Variants in ELL2 observed in about 807,000 individuals in gnomAD.
The protein encoded by ELL2 is RNA polymerase II elongation factor ELL2.
In ELL2, 21 loss-of-function variants were observed where a neutral mutation model predicts 72.8. That is an observed-to-expected ratio of 0.29 (90% CI 0.20 to 0.42). ELL2 has a LOEUF of 0.42. Among genes scored for constraint, ELL2 ranks in the 10% least tolerant of loss-of-function variants. The pLI, the probability that ELL2 is intolerant of heterozygous loss-of-function variation, is 1.00. For synonymous variants in ELL2, 266 were observed against 283.2 expected, an observed-to-expected ratio of 0.94 and a Z score of 0.61; for missense variants, 568 against 772.8, an observed-to-expected ratio of 0.73 and a Z score of 3.14.
chr5:95,943,063 CAAAA>C lies in ELL2; in HGVS notation c.148-18_148-15del. On this transcript the variant is annotated splice_polypyrimidine_tract_variant and intron_variant, in intron 1 of 11. Transcript: ENST00000237853. ...AGGAATTAAATTCTATTAAAAGAAA[CAAAA>C]GAAACAAACAGGTAAACCTTGGTTA... The C allele has an allele frequency of 6.3e-7, 1 of 1,594,668 alleles. No individual in the cohort carries two copies. Among genetic ancestry groups the C allele is most frequent in the Non-Finnish European group, 8.5e-7 (1 of 1,169,878 alleles).
intron 4 of ELL2, among the ~76,000 whole-genome samples, chr5:95,910,019 A>C (rs1269505605): frequency 6.6e-6 from 1 of 152,174 alleles, no homozygotes; most frequent in African/African-American, 2.4e-5. Context: ...ATGGTTAACT[A>C]CATAATCCAT....
chr5:95,899,862 T>C (rs181091583), intron 7 of ELL2, among the ~76,000 whole-genome samples: 112 of 152,322 alleles, frequency 7.4e-4, no homozygotes, highest in African/African-American at 2.7e-3. Flanking sequence ...TTCCTTTTTC[T>C]TTTTTGTTCC....
rs184379791 is a variant in ELL2, at chr5:95,927,524, T to C, written c.196-7979A>G. ...ATACACACACGTGTGTATATAGACA[T>C]ACACACACGTGTGTATATAGACATA... is the stretch of plus-strand genomic sequence containing the variant. On this transcript the variant is annotated intron_variant, in intron 2 of 11. Transcript: ENST00000237853. Among the ~76,000 whole-genome samples, 24 of 28,074 alleles carry C rather than the reference T, an allele frequency of 8.5e-4. 4 individuals carry two copies. Among genetic ancestry groups the C allele is most frequent in the African/African-American group, 8.5e-3 (20 of 2,344 alleles). 18.4% of individuals were successfully genotyped at this position (28,074 alleles called of 152,430 possible).
chr5:95,937,638 C>T (rs1258040111), intron 2 of ELL2, among the ~76,000 whole-genome samples: 1 of 151,786 alleles, frequency 6.6e-6, no homozygotes, highest in African/African-American at 2.4e-5. Context: ...TGTAATTCAG[C>T]AAAAATATTA....
intron 2 of ELL2, among the ~76,000 whole-genome samples, chr5:95,929,273 T>A (rs2112329552): frequency 6.6e-6 from 1 of 152,012 alleles, no homozygotes; most frequent in Non-Finnish European, 1.5e-5. Flanking sequence ...TTTTTTTTTT[T>A]TTTGAGACAG....
intron 10 of ELL2, among the ~76,000 whole-genome samples, chr5:95,889,956 A>C (rs1748598476): frequency 6.6e-6 from 1 of 152,148 alleles, no homozygotes; most frequent in Non-Finnish European, 1.5e-5. Context: ...GCATGGATCC[A>C]GGCACTTTAC....
intron 8 of ELL2, among the ~76,000 whole-genome samples, chr5:95,896,599 A>G (rs1748886439): frequency 6.6e-6 from 1 of 152,242 alleles, no homozygotes; most frequent in African/African-American, 2.4e-5. Flanking sequence ...ATGCTTGGGT[A>G]AAAGAACATG....
At chr5:95,953,677 A>ATGCTT (rs1259448361) in intron 1 of ELL2, among the ~76,000 whole-genome samples, 1 of 126,398 alleles carries the variant, frequency 7.9e-6, no homozygotes, top group African/African-American at 3.8e-5. Flanking sequence ...TGCACTCATG[A>ATGCTT]TTCTTTTGTT....
intron 1 of ELL2, among the ~76,000 whole-genome samples, chr5:95,950,945 TATATATATA>T (rs1751371336): frequency 9.6e-6 from 1 of 104,636 alleles, no homozygotes; most frequent in African/African-American, 3.7e-5. Context: ...TATATATATA[TATATATATA>T]AAATCTTCAT....
chr5:95,927,637 GTGTGTATATAGACATA>G (rs1447563414), intron 2 of ELL2, among the ~76,000 whole-genome samples: 1 of 36,508 alleles, frequency 2.7e-5, no homozygotes, highest in Non-Finnish European at 4.5e-5. Flanking sequence ...ACACACACAC[GTGTGTATATAGACATA>G]CACACACACG....
intron 1 of ELL2, among the ~76,000 whole-genome samples, chr5:95,947,111 A>G (rs980286668): frequency 2.6e-5 from 4 of 152,128 alleles, no homozygotes; most frequent in African/African-American, 4.8e-5. Flanking sequence ...TACATAAGGT[A>G]TATTTTTTCA....
chr5:95,910,821 C>T (rs1749561619), intron 4 of ELL2, among the ~76,000 whole-genome samples: 2 of 152,164 alleles, frequency 1.3e-5, no homozygotes, highest in African/African-American at 4.8e-5. Context: ...CATAGGTAAA[C>T]TTCTGGCATC....
At chr5:95,957,432 A>C (rs966753619) in intron 1 of ELL2, among the ~76,000 whole-genome samples, 2 of 152,242 alleles carry the variant, frequency 1.3e-5, no homozygotes, top group African/African-American at 4.8e-5. Context: ...GATTTTATTT[A>C]TTTAGCAACT....
chr5:95,928,975 C>T (rs369479402), intron 2 of ELL2, among the ~76,000 whole-genome samples: 5 of 152,234 alleles, frequency 3.3e-5, no homozygotes, highest in African/African-American at 1.2e-4. Context: ...GCAGCAATAC[C>T]GTGCTTGCTG....
At chr5:95,921,222 C>G (rs1750069588) in intron 2 of ELL2, among the ~76,000 whole-genome samples, 1 of 152,088 alleles carries the variant, frequency 6.6e-6, no homozygotes, top group Admixed American at 6.5e-5. Context: ...AATAAATGAA[C>G]AAGAAGTAAT....
At chr5:95,913,236 A>T (rs1214150990) in intron 4 of ELL2, 1 of 152,278 alleles carries the variant, frequency 6.6e-6, no homozygotes, top group Non-Finnish European at 1.5e-5. Flanking sequence ...CCAAAGAGAC[A>T]TCAGTCTAAT....
intron 1 of ELL2, among the ~76,000 whole-genome samples, chr5:95,948,956 T>A (rs1233201954): frequency 6.6e-6 from 1 of 152,208 alleles, no homozygotes; most frequent in Non-Finnish European, 1.5e-5. Context: ...CTCCTTGAAT[T>A]TACCCTTTAT....
Position 95,961,517 on chromosome 5 carries a change from A to G in ELL2, c.147+58T>C. On this transcript the variant is annotated intron_variant, in intron 1 of 11. Transcript: ENST00000237853. Reference sequence around the variant, plus strand: ...GCCGGCCCCGCACCCGGGCGCGGCCAGGCCGTGAGGGGTGCGCTCTGCCTC... The same window carrying G: ...GCCGGCCCCGCACCCGGGCGCGGCCGGGCCGTGAGGGGTGCGCTCTGCCTC... 2 of 1,399,276 alleles carry G rather than the reference A, an allele frequency of 1.4e-6. 1 individual carries two copies. Among genetic ancestry groups the G allele is most frequent in the South Asian group, 3.1e-5 (2 of 64,758 alleles). 86.7% of individuals were successfully genotyped at this position (1,399,276 alleles called of 1,614,324 possible).
intron 2 of ELL2, among the ~76,000 whole-genome samples, chr5:95,925,432 T>G (rs974929083): frequency 9.2e-5 from 14 of 152,226 alleles, no homozygotes; most frequent in African/African-American, 3.4e-4. Context: ...AAACACTCAT[T>G]ACCTTGTAAT....
Sources: gnomAD v4.1 joint callset for allele counts (sites outside exome capture counted in the v4.1 genomes callset) on GRCh38, gnomAD v4.1.1 for gene constraint, MANE v1.5 for transcripts, NCBI Gene and HGNC (gene_info 2026-07-23, HGNC 2026-07-21) for gene names.